The following RALGAPA1 variants were observed in gnomAD, a reference collection of about 807,000 sequenced individuals.
RALGAPA1 encodes the protein Ral GTPase activating protein catalytic subunit alpha 1, also known as ral GTPase-activating protein subunit alpha-1.
Under a neutral mutation model 269.6 loss-of-function variants are expected in RALGAPA1, and 52 were observed. The observed-to-expected ratio is 0.19, with a 90% CI of 0.15 to 0.24. The LOEUF is 0.24. RALGAPA1 is among the 10% of genes least tolerant of loss of function. The pLI, the probability that RALGAPA1 is intolerant of heterozygous loss-of-function variation, is 1.00. For synonymous variants in RALGAPA1, 817 were observed against 1,008.3 expected, an observed-to-expected ratio of 0.81 and a Z score of 3.60; for missense variants, 1,917 against 3,013.9, an observed-to-expected ratio of 0.64 and a Z score of 8.52.
chr14:35,770,318 T>C (rs138091746), intron 4 of RALGAPA1, among the ~76,000 whole-genome samples: 1 of 152,288 alleles, frequency 6.6e-6, no homozygotes, highest in African/African-American at 2.4e-5. Context: ...TCACATATAA[T>C]GGTGAAGACT....
intron 4 of RALGAPA1, chr14:35,766,036 TA>T: frequency 7.3e-7 from 1 of 1,371,964 alleles, no homozygotes; most frequent in Non-Finnish European, 1.0e-6. Context: ...GACTGGCTGA[TA>T]ACTGGAGGAA....
Position 35,738,640 on chromosome 14 carries a change from G to T in RALGAPA1, c.1460C>A (p.Thr487Asn). Residue 487 changes from threonine (T) to asparagine (N), a missense_variant, in exon 12 of 42, where the codon ACC (threonine) becomes AAC (asparagine). This residue lies in a region of RALGAPA1 where 462 missense variants were observed against 725.6 expected (regional missense o/e 0.64). Transcript: ENST00000680220. ...ATTTCGAACATGATCAGCAGTATTG[G>T]TCCCATTTTCCTGAAGCAAAATATC... is the stretch of plus-strand genomic sequence containing the variant. ...EGEKREEENG[T>N]NTADHVRNSS... 1 of 1,606,538 alleles carries T rather than the reference G, an allele frequency of 6.2e-7. No homozygotes were observed. Among genetic ancestry groups the T allele is most frequent in the South Asian group, 1.1e-5 (1 of 88,922 alleles).
chr14:35,741,001 C>T (rs577524680), intron 11 of RALGAPA1, among the ~76,000 whole-genome samples: 60 of 152,208 alleles, frequency 3.9e-4, no homozygotes, highest in African/African-American at 1.1e-3. Context: ...GCTGGCACTT[C>T]GAAAAACCAC....
intron 9 of RALGAPA1, among the ~76,000 whole-genome samples, chr14:35,750,127 G>A (rs1027581649): frequency 2.6e-5 from 4 of 152,068 alleles, no homozygotes; most frequent in African/African-American, 9.7e-5. Flanking sequence ...TGCATTTTGT[G>A]AATGCCCCCA....
At chr14:35,593,583 G>A (rs2058758038) in intron 37 of RALGAPA1, among the ~76,000 whole-genome samples, 1 of 152,082 alleles carries the variant, frequency 6.6e-6, no homozygotes, top group African/African-American at 2.4e-5. Flanking sequence ...TTATATTACA[G>A]GCTGGGCACA....
At chr14:35,805,780 G>GT (rs2077328348) in intron 1 of RALGAPA1, among the ~76,000 whole-genome samples, 1 of 151,082 alleles carries the variant, frequency 6.6e-6, no homozygotes, top group Non-Finnish European at 1.5e-5. Context: ...TGCCTCCCAG[G>GT]TTCACGCGAT....
intron 1 of RALGAPA1, among the ~76,000 whole-genome samples, chr14:35,798,786 T>C (rs140492930): frequency 6.6e-6 from 1 of 152,108 alleles, no homozygotes; most frequent in African/African-American, 2.4e-5. Flanking sequence ...GGCCAGGAGT[T>C]CGAAACCAGT....
At chr14:35,693,658 G>A (rs2066676094) in intron 17 of RALGAPA1, among the ~76,000 whole-genome samples, 1 of 151,894 alleles carries the variant, frequency 6.6e-6, no homozygotes, top group Non-Finnish European at 1.5e-5. Context: ...ACCACTTAAT[G>A]AGTGAAACAA....
At chr14:35,687,682 T>C (rs180974571) in intron 18 of RALGAPA1, among the ~76,000 whole-genome samples, 4 of 152,332 alleles carry the variant, frequency 2.6e-5, no homozygotes, top group African/African-American at 9.6e-5. Context: ...AGAAAACAGT[T>C]ACCATAATCT....
chr14:35,645,375 G>GTT (rs1198342213), intron 31 of RALGAPA1, among the ~76,000 whole-genome samples: 1 of 151,182 alleles, frequency 6.6e-6, no homozygotes, highest in Non-Finnish European at 1.5e-5. Context: ...GTGTGTGTGT[G>GTT]TGTGTGTGTG....
At position 35,732,070 on chromosome 14, in the gene RALGAPA1, A is replaced by T. The variant is rs111733643; in HGVS notation, c.1588-3560T>A. Reference sequence around the variant, plus strand: ...AACCCTACAGGCTAGAAGGGATTGGAGCCTTATCCTCAGCCTCCTCAAACA... The same window carrying T: ...AACCCTACAGGCTAGAAGGGATTGGTGCCTTATCCTCAGCCTCCTCAAACA... On this transcript the variant is annotated intron_variant, in intron 12 of 41. Transcript: ENST00000680220. 7.9e-3 allele frequency among the ~76,000 whole-genome samples: 1,199 copies of T among 152,316 alleles called. 4 individuals carry two copies. The highest frequency in any genetic ancestry group is 0.013 in the Non-Finnish European group (894 of 68,030).
chr14:35,752,752 G>C (rs775104792), intron 7 of RALGAPA1, among the ~76,000 whole-genome samples: 2 of 152,108 alleles, frequency 1.3e-5, no homozygotes, highest in Non-Finnish European at 2.9e-5. Context: ...GGCCCAGAGT[G>C]GGGTACTGGA....
At chr14:35,733,270 G>T (rs2141061845) in intron 12 of RALGAPA1, among the ~76,000 whole-genome samples, 1 of 152,254 alleles carries the variant, frequency 6.6e-6, no homozygotes. Flanking sequence ...CTGAGTGTGG[G>T]AGTTCAAGAC....
chr14:35,669,547 C>G (rs543451347), intron 26 of RALGAPA1, among the ~76,000 whole-genome samples: 9 of 152,270 alleles, frequency 5.9e-5, no homozygotes, highest in African/African-American at 2.2e-4. Flanking sequence ...AACCACCATG[C>G]CTGGCCATCT....
At chr14:35,745,422 G>GACAGACAC (rs1555426002) in intron 10 of RALGAPA1, among the ~76,000 whole-genome samples, 209 of 146,788 alleles carry the variant, frequency 1.4e-3, no homozygotes, top group African/African-American at 4.9e-3. Context: ...CACACAGACA[G>GACAGACAC]ACACACACAC....
intron 39 of RALGAPA1, among the ~76,000 whole-genome samples, chr14:35,567,788 T>C (rs1015473595): frequency 5.3e-5 from 8 of 152,158 alleles, no homozygotes; most frequent in Admixed American, 2.0e-4. Flanking sequence ...TCCTATTTTA[T>C]GACACAAGAG....
intron 35 of RALGAPA1, among the ~76,000 whole-genome samples, chr14:35,622,793 A>G (rs1427294581): frequency 1.3e-5 from 2 of 152,250 alleles, no homozygotes; most frequent in African/African-American, 2.4e-5. Context: ...TACCACCTCA[A>G]TGAAATAAAG....
At chr14:35,720,110 A>C (rs2069253776) in intron 16 of RALGAPA1, among the ~76,000 whole-genome samples, 1 of 152,236 alleles carries the variant, frequency 6.6e-6, no homozygotes, top group Non-Finnish European at 1.5e-5. Flanking sequence ...AAGTGAAGGA[A>C]GGCATTTCAA....
At chr14:35,781,856 G>A (rs1193086131) in intron 1 of RALGAPA1, among the ~76,000 whole-genome samples, 3 of 152,050 alleles carry the variant, frequency 2.0e-5, no homozygotes, top group Non-Finnish European at 1.5e-5. Context: ...TCTATGAAAC[G>A]GTCACAACTA....
Sources: allele counts gnomAD v4.1 joint callset (sites outside exome capture counted in the v4.1 genomes callset), GRCh38; gene constraint gnomAD v4.1.1; regional missense constraint gnomAD v4.1.1; transcripts MANE v1.5; gene names NCBI Gene and HGNC (gene_info 2026-07-23, HGNC 2026-07-21).